Variants in CNR1 observed in about 807,000 individuals in gnomAD.
CNR1 encodes the protein cannabinoid receptor 1 (brain).
CNR1 carries 10 observed loss-of-function variants against 23.0 expected under a neutral mutation model. The observed-to-expected ratio is 0.43, with a 90% CI of 0.27 to 0.74. The LOEUF is 0.74. CNR1 is among the 30% of genes least tolerant of loss of function. The pLI, the probability that CNR1 is intolerant of heterozygous loss-of-function variation, is 0.19. For synonymous variants in CNR1, 271 were observed against 255.2 expected (o/e 1.06, Z -0.59); for missense variants, 422 against 618.8 (o/e 0.68, Z 3.37).
intron 1 of CNR1, among the ~76,000 whole-genome samples, chr6:88,160,758 T>C (rs1343847870): frequency 6.6e-6 from 1 of 152,162 alleles, no homozygotes; most frequent in Non-Finnish European, 1.5e-5. Context: ...TTCAAAAGCA[T>C]ATTAGAATTT....
In CNR1 at chr6:88,140,998, A is replaced by T. The variant is rs1776782017; in HGVS notation, c.*2858T>A. 1 of 152,328 alleles carries T rather than the reference A, an allele frequency of 6.6e-6. No homozygotes were observed. The highest frequency in any genetic ancestry group is 6.5e-5 in the Admixed American group (1 of 15,274). The allele number at this position is 152,328 out of a possible 1,614,324, so 9.4% of individuals were successfully genotyped here. On this transcript the variant is annotated 3_prime_UTR_variant, in exon 2 of 2. Transcript: ENST00000369501. ...TAAAAAAAAAATGAGCAGGTTGGGAATTTGGCCCTTTCTGAACATGTGTGA... is the reference window on the plus strand; with the variant it reads ...TAAAAAAAAAATGAGCAGGTTGGGATTTTGGCCCTTTCTGAACATGTGTGA...
chr6:88,153,580 G>C (rs1300210928), intron 1 of CNR1, among the ~76,000 whole-genome samples: 1 of 152,138 alleles, frequency 6.6e-6, no homozygotes, highest in East Asian at 1.9e-4. Flanking sequence ...CTACTTTGTT[G>C]GTTCTGTTGT....
chr6:88,155,879 G>A (rs1377034268), intron 1 of CNR1, among the ~76,000 whole-genome samples: 1 of 152,152 alleles, frequency 6.6e-6, no homozygotes, highest in Non-Finnish European at 1.5e-5. Context: ...TTAGTCAATT[G>A]TCAGGAATAT....
chr6:88,160,198 T>C (rs1340729587), intron 1 of CNR1, among the ~76,000 whole-genome samples: 4 of 151,944 alleles, frequency 2.6e-5, no homozygotes. Flanking sequence ...CATGGTAGCA[T>C]GAGAATCGCT....
chr6:88,145,297 G>A lies in CNR1; in HGVS notation c.-23C>T. The A allele has an allele frequency of 6.3e-7, 1 of 1,579,378 alleles. No homozygotes were observed. The highest frequency in any genetic ancestry group is 8.6e-7 in the Non-Finnish European group (1 of 1,159,182). ...CATAACCTCAGTCTTTGATTAGGCT[G>A]AGCTCAAAATGACTGAGAAAGTGAC... On this transcript the variant is annotated 5_prime_UTR_variant, in exon 2 of 2. Coordinates refer to ENST00000369501, the MANE Select transcript of CNR1 (RefSeq NM_016083.6).
intron 1 of CNR1, among the ~76,000 whole-genome samples, chr6:88,159,047 AC>A (rs1180365011): frequency 2.0e-5 from 3 of 152,308 alleles, no homozygotes; most frequent in Non-Finnish European, 4.4e-5. Flanking sequence ...GATATAATAC[AC>A]AGATATATAT....
At chr6:88,152,296 A>G (rs1196290121) in intron 1 of CNR1, among the ~76,000 whole-genome samples, 1 of 151,914 alleles carries the variant, frequency 6.6e-6, no homozygotes, top group Non-Finnish European at 1.5e-5. Flanking sequence ...CTAAATCCCT[A>G]TTTCCTATCA....
intron 1 of CNR1, among the ~76,000 whole-genome samples, chr6:88,158,781 A>G (rs759187045): frequency 1.3e-5 from 2 of 152,240 alleles, no homozygotes; most frequent in Non-Finnish European, 2.9e-5. Context: ...CTGTAAGTAT[A>G]GGTTTTTAGA....
chr6:88,143,993 C>G lies in CNR1; in HGVS notation c.1282G>C (p.Asp428His). Residue 428 changes from aspartate (D) to histidine (H), a missense_variant, in exon 2 of 2, where the codon GAC (aspartate) becomes CAC (histidine). Coordinates refer to ENST00000369501, the MANE Select transcript of CNR1 (RefSeq NM_016083.6). ...GCGTGTTTGTGCAGGCAGTCCGAGT[C>G]CCCCATGCTGTTATCCAGAGGCTGC... ...TAQPLDNSMG[D>H]SDCLHKHANN... 1 of 1,613,898 alleles carries G rather than the reference C, an allele frequency of 6.2e-7. No individual in the cohort carries two copies. The highest frequency in any genetic ancestry group is 1.1e-5 in the South Asian group (1 of 91,036).
chr6:88,143,846 G>A lies in CNR1; in HGVS notation c.*10C>T. 1 of 1,604,068 alleles carries A rather than the reference G, an allele frequency of 6.2e-7. No individual in the cohort carries two copies. Among genetic ancestry groups the A allele is most frequent in the Non-Finnish European group, 8.5e-7 (1 of 1,172,434 alleles). On this transcript the variant is annotated 3_prime_UTR_variant, in exon 2 of 2. Transcript: ENST00000369501. The stretch of plus-strand genomic sequence containing the variant: ...AATTCTTTTCCTGTGCTGCCAGGGA[G>A]GCATCAGGCTCACAGAGCCTCGGCA...
At chr6:88,153,392 G>A (rs898726331) in intron 1 of CNR1, among the ~76,000 whole-genome samples, 5 of 151,960 alleles carry the variant, frequency 3.3e-5, no homozygotes, top group African/African-American at 9.7e-5. Context: ...TAGAAGTATT[G>A]GAAGGACTGG....
In CNR1 at chr6:88,143,596, C is replaced by T; in HGVS notation, c.*260G>A. 1 of 370,846 alleles carries T rather than the reference C, an allele frequency of 2.7e-6. No individual in the cohort carries two copies. The highest frequency in any genetic ancestry group is 4.9e-6 in the Non-Finnish European group (1 of 206,140). 23.0% of individuals were successfully genotyped at this position (370,846 alleles called of 1,614,324 possible). ...TTCCAATTGTGTAGCCAAAGGTTTC[C>T]CTCCTATTTCATTGAGACTTTGAAG... On this transcript the variant is annotated 3_prime_UTR_variant, in exon 2 of 2. Coordinates refer to ENST00000369501, the MANE Select transcript of CNR1 (RefSeq NM_016083.6).
chr6:88,145,976 C>T (rs535269577), intron 1 of CNR1, among the ~76,000 whole-genome samples: 38 of 152,260 alleles, frequency 2.5e-4, no homozygotes, highest in African/African-American at 8.9e-4. Flanking sequence ...GTTTCTTCAC[C>T]CAGAGAAGGG....
chr6:88,156,662 A>G (rs1777817381), intron 1 of CNR1, among the ~76,000 whole-genome samples: 1 of 152,204 alleles, frequency 6.6e-6, no homozygotes. Context: ...CCTTCAGACC[A>G]TGAACACCTT....
rs1776870590 is a variant in CNR1 at position 88,142,350 on chromosome 6, A to G, written c.*1506T>C. On this transcript the variant is annotated 3_prime_UTR_variant, in exon 2 of 2. Transcript: ENST00000369501. ...GTGATGTATATAGTGCATACTATCTACACACGCTATTGAAAAATGTTACCA... is the reference window on the plus strand; with the variant it reads ...GTGATGTATATAGTGCATACTATCTGCACACGCTATTGAAAAATGTTACCA... 2.0e-5 allele frequency: 3 copies of G among 152,184 alleles called. No individual in the cohort carries two copies. Among genetic ancestry groups the G allele is most frequent in the African/African-American group, 4.8e-5 (2 of 41,318 alleles). 9.4% of individuals were successfully genotyped at this position (152,184 alleles called of 1,614,324 possible).
rs1777086323 is a variant in CNR1 at position 88,145,026 on chromosome 6, G to A, written c.249C>T (p.Asn83=). 1.2e-6 allele frequency: 2 copies of A among 1,613,958 alleles called. No individual in the cohort carries two copies. Among genetic ancestry groups the A allele is most frequent in the Admixed American group, 1.7e-5 (1 of 60,010 alleles). ...ADQVNITEFY[N]KSLSSFKENE... ...TCTCCTTGAAGGACGAGAGAGACTT[G>A]TTGTAAAATTCTGTAATGTTCACCT... The change falls in exon 2 of 2, where the codon AAC becomes AAT. Residue 83 remains asparagine, a synonymous_variant. Transcript: ENST00000369501.
intron 1 of CNR1, among the ~76,000 whole-genome samples, chr6:88,159,683 C>T (rs1213642519): frequency 1.3e-5 from 2 of 152,176 alleles, no homozygotes; most frequent in Non-Finnish European, 2.9e-5. Context: ...AATTCTTTGG[C>T]CAATCTTGCA....
intron 1 of CNR1, among the ~76,000 whole-genome samples, chr6:88,154,341 G>C (rs1019936648): frequency 2.0e-5 from 3 of 152,166 alleles, no homozygotes; most frequent in Non-Finnish European, 2.9e-5. Flanking sequence ...CAATTTCAGG[G>C]CTCAAGAAAA....
intron 1 of CNR1, chr6:88,147,700 G>A (rs1307182527): frequency 6.6e-6 from 1 of 152,176 alleles, no homozygotes; most frequent in African/African-American, 2.4e-5. Flanking sequence ...CAGTTTTCCT[G>A]CTCTTCTCTG....
Sources: gnomAD v4.1 joint callset for allele counts (sites outside exome capture counted in the v4.1 genomes callset) on GRCh38, gnomAD v4.1.1 for gene constraint, MANE v1.5 for transcripts, NCBI Gene and HGNC (gene_info 2026-07-23, HGNC 2026-07-21) for gene names.